Variants in CDH4 observed in about 807,000 individuals in gnomAD.
The protein encoded by CDH4 is cadherin-4.
In CDH4, 33 loss-of-function variants were observed where a neutral mutation model predicts 86.0. That is an observed-to-expected ratio of 0.38 (90% CI 0.29 to 0.51). The LOEUF is 0.51. Ranked by LOEUF, CDH4 falls within the 20% of genes least tolerant of loss-of-function variation. The pLI is 0.86. For missense variants in CDH4, 1,114 were observed against 1,307.4 expected (o/e 0.85, Z 2.28); for synonymous variants, 555 against 549.4 (o/e 1.01, Z -0.14).
In CDH4 at chr20:61,924,393, T is replaced by C. The variant is rs1402001504; in HGVS notation, c.1688T>C (p.Ile563Thr). 2 of 1,613,274 alleles carry C rather than the reference T, an allele frequency of 1.2e-6. No individual in the cohort carries two copies. Among genetic ancestry groups the C allele is most frequent in the Non-Finnish European group, 1.7e-6 (2 of 1,179,882 alleles). Residue 563 changes from isoleucine to threonine, a missense_variant, in exon 11 of 16, where the codon ATC becomes ACC. Around this residue, in one of 3 missense-constraint regions of CDH4, gnomAD observed 705 missense variants for 914.1 expected, o/e 0.77. Transcript: ENST00000614565. ...WLHINATNGQITTAAVLDRES... is the reference protein window; with the variant it reads ...WLHINATNGQTTTAAVLDRES... ...CACATCAATGCCACCAACGGCCAGA[T>C]CACCACGGCGGCAGTGCTGGACCGT...
At chr20:61,578,277 T>TG (rs1378769182) in intron 2 of CDH4, among the ~76,000 whole-genome samples, 6 of 152,124 alleles carry the variant, frequency 3.9e-5, no homozygotes, top group Non-Finnish European at 5.9e-5. Context: ...GCCAGGGCAC[T>TG]GGGGGGGAAT....
At chr20:61,739,420 T>G (rs1413602894) in intron 2 of CDH4, among the ~76,000 whole-genome samples, 1 of 152,108 alleles carries the variant, frequency 6.6e-6, no homozygotes, top group Admixed American at 6.5e-5. Context: ...TCACCAGTCC[T>G]GGGGCGGGAG....
At chr20:61,749,253 G>C (rs1271751257) in intron 3 of CDH4, among the ~76,000 whole-genome samples, 2 of 152,212 alleles carry the variant, frequency 1.3e-5, no homozygotes, top group East Asian at 3.9e-4. Context: ...AAAAGGAGAA[G>C]TAACTATGCA....
At chr20:61,628,943 G>A (rs960099592) in intron 2 of CDH4, among the ~76,000 whole-genome samples, 14 of 152,338 alleles carry the variant, frequency 9.2e-5, no homozygotes, top group African/African-American at 1.7e-4. Flanking sequence ...ATCCCTGGCC[G>A]TGCGCTGCAT....
intron 4 of CDH4, among the ~76,000 whole-genome samples, chr20:61,774,898 A>C (rs2088819603): frequency 6.6e-6 from 1 of 152,088 alleles, no homozygotes; most frequent in Non-Finnish European, 1.5e-5. Flanking sequence ...GTGTATTTGT[A>C]CCACATTTGC....
intron 2 of CDH4, among the ~76,000 whole-genome samples, chr20:61,414,338 G>A (rs2252671): frequency 0.63 from 95,883 of 152,124 alleles, 30,992 homozygotes; most frequent in African/African-American, 0.77. Flanking sequence ...CATTGGTAGA[G>A]GAATCAGAGG....
Position 61,342,346 on chromosome 20 carries a change from G to A in CDH4, c.169+87409G>A, listed in dbSNP as rs28701817. 4.2e-3 allele frequency among the ~76,000 whole-genome samples: 640 copies of A among 152,308 alleles called. 8 individuals carry two copies. Among genetic ancestry groups the A allele is most frequent in the African/African-American group, 0.015 (618 of 41,560 alleles). ...AACTCACCATGACGTACAGTCAGTG[G>A]GAGCCCTGAGCTTGTTTTCCTGCAA... On this transcript the variant is annotated intron_variant, in intron 2 of 15. Coordinates refer to ENST00000614565, the MANE Select transcript of CDH4 (RefSeq NM_001794.5).
chr20:61,258,208 T>C (rs968745834), intron 2 of CDH4, among the ~76,000 whole-genome samples: 2 of 151,724 alleles, frequency 1.3e-5, no homozygotes, highest in Non-Finnish European at 2.9e-5. Flanking sequence ...CGGGAGCCTG[T>C]AGTCCCAGCT....
intron 2 of CDH4, among the ~76,000 whole-genome samples, chr20:61,546,503 C>T (rs971098417): frequency 6.6e-5 from 10 of 151,746 alleles, no homozygotes; most frequent in South Asian, 6.2e-4. Flanking sequence ...GTAAAGGCCT[C>T]GCCTCAAGCA....
At chr20:61,499,032 G>T (rs1012530808) in intron 2 of CDH4, among the ~76,000 whole-genome samples, 2 of 152,164 alleles carry the variant, frequency 1.3e-5, no homozygotes, top group African/African-American at 2.4e-5. Flanking sequence ...GTGACTTGCC[G>T]GGAGCATGGC....
chr20:61,595,715 C>T (rs1349423674), intron 2 of CDH4, among the ~76,000 whole-genome samples: 4 of 152,162 alleles, frequency 2.6e-5, no homozygotes, highest in Admixed American at 1.3e-4. Flanking sequence ...AGAGGCGGCC[C>T]GTCTGTCTAA....
chr20:61,604,434 C>T (rs2086626960), intron 2 of CDH4, among the ~76,000 whole-genome samples: 1 of 152,204 alleles, frequency 6.6e-6, no homozygotes, highest in African/African-American at 2.4e-5. Flanking sequence ...TGGGAACATA[C>T]CTGGCAGTGG....
At position 61,717,984 on chromosome 20, in the gene CDH4, C is replaced by T. The variant is rs141153652; in HGVS notation, c.170-25579C>T. The T allele has an allele frequency of 5.3e-3, 809 of 152,448 alleles. 10 individuals are homozygous for T. Among genetic ancestry groups the T allele is most frequent in the South Asian group, 0.032 (155 of 4,800 alleles). 9.4% of individuals were successfully genotyped at this position (152,448 alleles called of 1,614,324 possible). ...AAGTCCTGCCTGTGCCACAGAAGGC[C>T]CTGATGTCCCCTACAACCTCACACA... On this transcript the variant is annotated intron_variant, in intron 2 of 15. Coordinates refer to ENST00000614565, the MANE Select transcript of CDH4 (RefSeq NM_001794.5).
At chr20:61,418,399 G>A (rs2085158807) in intron 2 of CDH4, among the ~76,000 whole-genome samples, 1 of 151,958 alleles carries the variant, frequency 6.6e-6, no homozygotes, top group Non-Finnish European at 1.5e-5. Context: ...TTTTAGTAGA[G>A]ACGGGATTTC....
chr20:61,746,579 G>T (rs141589708), intron 3 of CDH4, among the ~76,000 whole-genome samples: 8 of 152,220 alleles, frequency 5.3e-5, no homozygotes, highest in Non-Finnish European at 1.0e-4. Context: ...CCGGCATGGC[G>T]CAAGAGCAGC....
intron 8 of CDH4, among the ~76,000 whole-genome samples, chr20:61,896,123 G>C (rs1490637235): frequency 1.3e-5 from 2 of 152,230 alleles, no homozygotes; most frequent in Non-Finnish European, 2.9e-5. Context: ...AGCTGCATCT[G>C]TGGAGGTGCC....
At chr20:61,871,701 A>G (rs1373678692) in intron 6 of CDH4, among the ~76,000 whole-genome samples, 1 of 152,180 alleles carries the variant, frequency 6.6e-6, no homozygotes, top group Non-Finnish European at 1.5e-5. Context: ...GGCAAGGATC[A>G]TCGGGGTGGG....
intron 2 of CDH4, among the ~76,000 whole-genome samples, chr20:61,727,677 C>T (rs926122361): frequency 1.3e-5 from 2 of 152,180 alleles, no homozygotes; most frequent in African/African-American, 4.8e-5. Context: ...GTGTGCAGAT[C>T]ACGTGGTGAG....
intron 4 of CDH4, among the ~76,000 whole-genome samples, chr20:61,793,046 T>A (rs1979296444): frequency 6.6e-6 from 1 of 152,106 alleles, no homozygotes; most frequent in Non-Finnish European, 1.5e-5. Context: ...TACTGCAACC[T>A]CTGCCTCCTG....
Sources: allele counts gnomAD v4.1 joint callset (sites outside exome capture counted in the v4.1 genomes callset), GRCh38; gene constraint gnomAD v4.1.1; regional missense constraint gnomAD v4.1.1; transcripts MANE v1.5; gene names NCBI Gene and HGNC (gene_info 2026-07-23, HGNC 2026-07-21).